LRRC72: variants seen among roughly 807,000 people sequenced by gnomAD.
LRRC72 encodes the protein leucine-rich repeat-containing protein 72.
LRRC72 carries 41 observed loss-of-function variants against 35.8 expected under a neutral mutation model. That is an observed-to-expected ratio of 1.15 (90% confidence interval 0.89 to 1.49). The LOEUF (loss-of-function observed/expected upper bound fraction) is 1.49, where lower values mean the gene tolerates loss of function less well. Ranked by LOEUF, LRRC72 falls within the 40% of genes most tolerant of loss-of-function variation. LRRC72 has a pLI of 0.00. For synonymous variants in LRRC72, 118 were observed against 119.2 expected, an observed-to-expected ratio of 0.99 and a Z score of 0.07; for missense variants, 389 against 330.7, an observed-to-expected ratio of 1.18 and a Z score of -1.37.
At chr7:16,578,442 A>G in intron 7 of LRRC72, among the ~76,000 whole-genome samples, 1 of 152,228 alleles carries the variant, frequency 6.6e-6, no homozygotes, top group East Asian at 1.9e-4. Flanking sequence ...GTGAGCCGAG[A>G]TCGTGCCACT....
chr7:16,537,869 T>C (rs59313852), intron 3 of LRRC72, among the ~76,000 whole-genome samples, 173 bp downstream of exon 3: 11,781 of 152,178 alleles, frequency 0.077, 529 homozygotes, highest in Admixed American at 0.11. Context: ...TTGGTATACA[T>C]ACACATATAC....
chr7:16,545,005 G>C (rs546256181), intron 3 of LRRC72, among the ~76,000 whole-genome samples: 1 of 152,168 alleles, frequency 6.6e-6, no homozygotes, highest in East Asian at 1.9e-4. Context: ...ACACTGACTA[G>C]AGAATGGTCA....
At chr7:16,578,396 C>G (rs993229286) in intron 7 of LRRC72, among the ~76,000 whole-genome samples, 1 of 152,056 alleles carries the variant, frequency 6.6e-6, no homozygotes, top group Non-Finnish European at 1.5e-5. Flanking sequence ...TCGCTTGAAC[C>G]CAGGAGGCAG....
chr7:16,567,929 GAAGA>G (rs1254908397), intron 7 of LRRC72, among the ~76,000 whole-genome samples: 2 of 152,020 alleles, frequency 1.3e-5, no homozygotes, highest in African/African-American at 4.8e-5. Context: ...AAAACATGAA[GAAGA>G]AATAAAGATC....
chr7:16,571,457 G>A (rs1160066750), intron 7 of LRRC72, among the ~76,000 whole-genome samples: 1 of 152,214 alleles, frequency 6.6e-6, no homozygotes, highest in African/African-American at 2.4e-5. Context: ...GATCCACACA[G>A]AAGGCGAGTG....
chr7:16,553,966 A>G lies in LRRC72; in HGVS notation c.235-3394A>G, dbSNP rs552468399. On this transcript the variant is annotated intron_variant, in intron 3 of 8. Transcript: ENST00000401542. ...TAAGACATATGATTTGTGAAATGCCACACTTAATATAAATCCTACAGCAAT... is the reference window on the plus strand; with the variant it reads ...TAAGACATATGATTTGTGAAATGCCGCACTTAATATAAATCCTACAGCAAT... Among the ~76,000 whole-genome samples, 56 of 152,368 alleles carry G rather than the reference A, an allele frequency of 3.7e-4. 1 individual carries two copies. The South Asian group carries it at 0.011, about 30-fold the overall frequency.
intron 5 of LRRC72, among the ~76,000 whole-genome samples, chr7:16,562,782 G>C (rs1583648387): frequency 6.6e-6 from 1 of 152,096 alleles, no homozygotes. Context: ...CCTCCCAAAA[G>C]ACAAAACAAT....
intron 2 of LRRC72, among the ~76,000 whole-genome samples, chr7:16,533,191 A>C (rs886755): frequency 0.67 from 101,983 of 151,886 alleles, 35,001 homozygotes; most frequent in East Asian, 0.89. Flanking sequence ...ATGATAATGA[A>C]CTCCATTATA....
chr7:16,563,145 G>A (rs1229143815), intron 5 of LRRC72, among the ~76,000 whole-genome samples: 2 of 152,124 alleles, frequency 1.3e-5, no homozygotes, highest in Admixed American at 6.5e-5. Context: ...AAATTGGGAT[G>A]TTGGTCTCTT....
At chr7:16,530,028 CATATT>C (rs1478641907) in intron 1 of LRRC72, among the ~76,000 whole-genome samples, 5 of 152,090 alleles carry the variant, frequency 3.3e-5, no homozygotes, top group African/African-American at 1.2e-4. Context: ...TATTGTTACA[CATATT>C]ATACTGCCAA....
chr7:16,551,698 C>T (rs1782552351), intron 3 of LRRC72, among the ~76,000 whole-genome samples: 1 of 152,032 alleles, frequency 6.6e-6, no homozygotes, highest in African/African-American at 2.4e-5. Flanking sequence ...GGCATGGAAG[C>T]TCTGCATCCC....
Position 16,579,687 on chromosome 7 carries a change from G to A in LRRC72, c.671-387G>A, listed in dbSNP as rs116791407. Among the ~76,000 whole-genome samples, 1,387 of 152,228 alleles carry A rather than the reference G, an allele frequency of 9.1e-3. 22 individuals are homozygous for A. The highest frequency in any genetic ancestry group is 0.031 in the African/African-American group (1,291 of 41,536). ...ATATTTCCCCTCATTTGGACTGTTAGTCCATTTATAGATGCATGTGCCTTT... is the reference window on the plus strand; with the variant it reads ...ATATTTCCCCTCATTTGGACTGTTAATCCATTTATAGATGCATGTGCCTTT... On this transcript the variant is annotated intron_variant, in intron 7 of 8. Transcript: ENST00000401542.
At chr7:16,568,570 AG>A (rs749892012) in intron 7 of LRRC72, among the ~76,000 whole-genome samples, 13 of 152,246 alleles carry the variant, frequency 8.5e-5, no homozygotes, top group Non-Finnish European at 1.6e-4. Context: ...ATTGAGCAGA[AG>A]GTAATGTTTA....
Position 16,537,683 on chromosome 7 carries a change from T to G in LRRC72, c.221T>G (p.Leu74Arg). ...SRFKKLKYLWLHHNKLHGITF... is the reference protein window; with the variant it reads ...SRFKKLKYLWRHHNKLHGITF... ...TTTAAAAAATTAAAATACTTATGGCTTCATCATAACAAGGTAGTGTTTTAT... is the reference window on the plus strand; with the variant it reads ...TTTAAAAAATTAAAATACTTATGGCGTCATCATAACAAGGTAGTGTTTTAT... Residue 74 changes from leucine to arginine, a missense_variant, in exon 3 of 9, where the codon CTT (leucine) becomes CGT (arginine). Coordinates refer to ENST00000401542, the MANE Select transcript of LRRC72 (RefSeq NM_001195280.2). The G allele has an allele frequency of 6.6e-7, 1 of 1,504,320 alleles. No individual in the cohort carries two copies. Among genetic ancestry groups the G allele is most frequent in the South Asian group, 1.3e-5 (1 of 79,234 alleles). The allele number at this position is 1,504,320 out of a possible 1,614,324, so 93.2% of individuals were successfully genotyped here. A position where few individuals can be genotyped will look rare whatever the true frequency, so the allele number is the denominator to read the frequency against.
At chr7:16,576,702 A>G (rs1467840461) in intron 7 of LRRC72, among the ~76,000 whole-genome samples, 1 of 152,226 alleles carries the variant, frequency 6.6e-6, no homozygotes, top group Non-Finnish European at 1.5e-5. Flanking sequence ...GTAGAAAGAC[A>G]TTAAGGGGTA....
At chr7:16,532,640 C>A in intron 2 of LRRC72, 72 bp downstream of exon 2, 1 of 1,203,200 alleles carries the variant, frequency 8.3e-7, no homozygotes. Context: ...TTCACAGATT[C>A]AAATGTTATT....
At chr7:16,566,213 T>C (rs1269908585) in intron 5 of LRRC72, 100 bp from the exon 6 acceptor site, 2 of 676,072 alleles carry the variant, frequency 3.0e-6, no homozygotes, top group East Asian at 3.1e-5. Flanking sequence ...TTACAAGTTC[T>C]TATGTTTTAT....
At chr7:16,527,426 A>C (rs982966810) in intron 1 of LRRC72, among the ~76,000 whole-genome samples, 2 of 151,856 alleles carry the variant, frequency 1.3e-5, no homozygotes, top group Non-Finnish European at 2.9e-5. Context: ...GAGATTAAGT[A>C]AATTTCGCAG....
At chr7:16,569,907 G>A (rs1427321811) in intron 7 of LRRC72, among the ~76,000 whole-genome samples, 1 of 152,040 alleles carries the variant, frequency 6.6e-6, no homozygotes, top group Non-Finnish European at 1.5e-5. Flanking sequence ...GATGGCACCT[G>A]TAATTCCAGC....
Sources: gnomAD v4.1 joint callset for allele counts (sites outside exome capture counted in the v4.1 genomes callset) on GRCh38, gnomAD v4.1.1 for gene constraint, MANE v1.5 for transcripts, NCBI Gene and HGNC (gene_info 2026-07-23, HGNC 2026-07-21) for gene names.